Variants in KLF10 observed in about 807,000 individuals in gnomAD.
The protein encoded by KLF10 is Krueppel-like factor 10.
A neutral mutation model predicts 31.6 loss-of-function variants in KLF10; 17 were observed. That is an observed-to-expected ratio of 0.54 (90% CI 0.37 to 0.81). KLF10 has a LOEUF of 0.81. Ranked by LOEUF, KLF10 falls within the 30% of genes least tolerant of loss-of-function variation. The probability of loss-of-function intolerance (pLI) is 0.00; values close to 1 mark genes in which losing one functional copy is unlikely to be tolerated. For missense variants in KLF10, 525 were observed against 598.1 expected (o/e 0.88, Z 1.27); for synonymous variants, 239 against 215.1 (o/e 1.11, Z -0.97).
intron 3 of KLF10, 23 bp downstream of exon 3, chr8:102,651,126 A>C (rs749187483): frequency 6.7e-7 from 1 of 1,488,458 alleles, no homozygotes; most frequent in Non-Finnish European, 8.9e-7. Context: ...TTAAACACTA[A>C]AGATATAAGA....
chr8:102,653,203 T>C (rs1827259367), intron 1 of KLF10, among the ~76,000 whole-genome samples: 1 of 152,236 alleles, frequency 6.6e-6, no homozygotes, highest in African/African-American at 2.4e-5. Context: ...TGAATCTATT[T>C]GACACAATGG....
At chr8:102,650,470 G>T in intron 3 of KLF10, 79 bp from the exon 4 acceptor site, 1 of 1,353,610 alleles carries the variant, frequency 7.4e-7, no homozygotes, top group Non-Finnish European at 1.0e-6. Flanking sequence ...AAAAGTATAT[G>T]AGAAGATACA....
Position 102,652,189 on chromosome 8 carries a change from G to A in KLF10, c.245C>T (p.Pro82Leu). Residue 82 changes from proline to leucine, a missense_variant, in exon 2 of 4, where the codon CCT becomes CTT. By Grantham distance (98) the Pro-to-Leu change is moderately conservative (BLOSUM62 -3). This residue lies in a region of KLF10 where 434 missense variants were observed against 450.7 expected (regional missense o/e 0.96). Transcript: ENST00000285407. Reference protein sequence around the residue: ...SEEENLLPGTPDFHTIPAFCL... With the variant: ...SEEENLLPGTLDFHTIPAFCL... ...AAATGCTGGGATTGTATGAAAATCA[G>A]GTGTTCCCGGAAGCAGATTCTCTTC... 6.2e-7 allele frequency: 1 copy of A among 1,600,448 alleles called. No individual in the cohort carries two copies. Among genetic ancestry groups the A allele is most frequent in the Non-Finnish European group, 8.5e-7 (1 of 1,171,266 alleles).
In KLF10 at chr8:102,651,139, T is replaced by G. The variant is rs1827198287; in HGVS notation, c.1183+10A>C. On this transcript the variant is annotated intron_variant, in intron 3 of 3. Coordinates refer to ENST00000285407, the MANE Select transcript of KLF10 (RefSeq NM_005655.4). ...ATTTAAACACTAAAGATATAAGAAGTGGCTGGTACCTGTGTGCGTCCTCGT... is the reference window on the plus strand; with the variant it reads ...ATTTAAACACTAAAGATATAAGAAGGGGCTGGTACCTGTGTGCGTCCTCGT... 2 of 1,494,824 alleles carry G rather than the reference T, an allele frequency of 1.3e-6. No homozygotes were observed. The highest frequency in any genetic ancestry group is 1.8e-6 in the Non-Finnish European group (2 of 1,121,074). The allele number at this position is 1,494,824 out of a possible 1,614,324, so 92.6% of individuals were successfully genotyped here. A position where few individuals can be genotyped will look rare whatever the true frequency, so the allele number is the denominator to read the frequency against.
rs571311515 is a variant in KLF10 at position 102,649,903 on chromosome 8, C to T, written c.*229G>A. 2 of 567,458 alleles carry T rather than the reference C, an allele frequency of 3.5e-6. No individual in the cohort carries two copies. The highest frequency in any genetic ancestry group is 4.7e-5 in the South Asian group (2 of 42,604). 35.2% of individuals were successfully genotyped at this position (567,458 alleles called of 1,614,324 possible). A position where few individuals can be genotyped will look rare whatever the true frequency, so the allele number is the denominator to read the frequency against. On this transcript the variant is annotated 3_prime_UTR_variant, in exon 4 of 4. Coordinates refer to ENST00000285407, the MANE Select transcript of KLF10 (RefSeq NM_005655.4). ...CAAAAAATATTCAAAGGAATAAAAG[C>T]TTTCTCATCTCTCTTATGTGATAAG...
Position 102,651,489 on chromosome 8 carries a change from G to C in KLF10, c.843C>G (p.Ala281=). 1 of 1,613,876 alleles carries C rather than the reference G, an allele frequency of 6.2e-7. No individual in the cohort carries two copies. Among genetic ancestry groups the C allele is most frequent in the Non-Finnish European group, 8.5e-7 (1 of 1,179,856 alleles). ...CGACTGTTGTCACAACAGGGTTGTT[G>C]GCAGGAAGGGGAACCATCTGGCAGA... is the stretch of plus-strand genomic sequence containing the variant. ...PVICQMVPLP[A]NNPVVTTVVP... The change falls in exon 3 of 4, where the codon GCC becomes GCG. Residue 281 remains alanine (A), a synonymous_variant. Transcript: ENST00000285407.
intron 1 of KLF10, among the ~76,000 whole-genome samples, chr8:102,655,069 G>A (rs545424398): frequency 6.6e-6 from 1 of 152,068 alleles, no homozygotes; most frequent in East Asian, 1.9e-4. Flanking sequence ...CGCCTCTCCT[G>A]TGGACACCCC....
At chr8:102,650,519 G>A (rs529829177) in intron 3 of KLF10, 128 bp from the exon 4 acceptor site, 3 of 956,248 alleles carry the variant, frequency 3.1e-6, no homozygotes, top group East Asian at 5.3e-5. Flanking sequence ...ACTGTCAAAT[G>A]AATATGAGAT....
intron 1 of KLF10, chr8:102,653,679 C>A: frequency 7.9e-7 from 1 of 1,270,158 alleles, no homozygotes. Flanking sequence ...TGCATAATCG[C>A]GCCCGCCTTT....
chr8:102,654,327 G>C (rs184580482), intron 1 of KLF10: 4 of 148,592 alleles, frequency 2.7e-5, no homozygotes, highest in African/African-American at 9.8e-5. Context: ...GGCTCCGGGA[G>C]GCGCCCGCCC....
At position 102,651,271 on chromosome 8, in the gene KLF10, G is replaced by A. The variant is rs371253957; in HGVS notation, c.1061C>T (p.Ala354Val). Residue 354 changes from alanine to valine, a missense_variant, in exon 3 of 4, where the codon GCA becomes GTA. By Grantham distance (64) the Ala-to-Val change is moderately conservative. Transcript: ENST00000285407. The part of the protein sequence containing the change: ...IAPAPGFSPS[A>V]AKVTPQIDSS... ...ATCAATCTGAGGAGTGACTTTTGCT[G>A]CTGAAGGGGAAAACCCAGGAGCAGG... 8.7e-6 allele frequency: 14 copies of A among 1,607,544 alleles called. No homozygotes were observed. The highest frequency in any genetic ancestry group is 1.3e-5 in the African/African-American group (1 of 74,692).
At chr8:102,653,393 G>T in intron 1 of KLF10, 2 of 1,212,744 alleles carry the variant, frequency 1.6e-6, no homozygotes, top group South Asian at 1.6e-5. Flanking sequence ...CACAGGTTTT[G>T]CACTTATTTG....
At chr8:102,655,531 G>A (rs1827343952) in intron 1 of KLF10, 35 bp downstream of exon 1, 6 of 1,613,694 alleles carry the variant, frequency 3.7e-6, no homozygotes, top group Non-Finnish European at 5.1e-6. Flanking sequence ...ACAAGACCAG[G>A]CGAGGAAGCA....
chr8:102,654,288 CGCGGGGAGGGGCGGGGCT>C (rs1827303914), intron 1 of KLF10: 1 of 145,200 alleles, frequency 6.9e-6, no homozygotes, highest in Non-Finnish European at 1.5e-5. Flanking sequence ...GCGCCGGGCC[CGCGGGGAGGGGCGGGGCT>C]GCGGGCGCCA....
At chr8:102,655,533 G>A (rs1488409069) in intron 1 of KLF10, 33 bp downstream of exon 1, 8 of 1,613,906 alleles carry the variant, frequency 5.0e-6, no homozygotes, top group Admixed American at 1.7e-5. Context: ...AAGACCAGGC[G>A]AGGAAGCACA....
rs1031961822 is a variant in KLF10, at chr8:102,649,370, T to C, written c.*762A>G. On this transcript the variant is annotated 3_prime_UTR_variant, in exon 4 of 4. Transcript: ENST00000285407. ...CAGAAAACACATTGGTATACAATTT[T>C]CAAATCTACACAAGAAACTGCAGGC... 2.6e-5 allele frequency: 4 copies of C among 152,072 alleles called. No individual in the cohort carries two copies. Among genetic ancestry groups the C allele is most frequent in the Non-Finnish European group, 4.4e-5 (3 of 67,982 alleles). The allele number at this position is 152,072 out of a possible 1,614,324, so 9.4% of individuals were successfully genotyped here.
In KLF10 at chr8:102,651,497, G is replaced by A; in HGVS notation, c.835C>T (p.Leu279Phe). The change falls in exon 3 of 4, where the codon CTT becomes TTT. Residue 279 changes from leucine (L) to phenylalanine (F), a missense_variant. Transcript: ENST00000285407. ...PMPVICQMVP[L>F]PANNPVVTTV... is the part of the protein sequence containing the mutation. ...GTCACAACAGGGTTGTTGGCAGGAA[G>A]GGGAACCATCTGGCAGATGACCGGC... The A allele has an allele frequency of 1.2e-6, 2 of 1,613,882 alleles. No homozygotes were observed. The highest frequency in any genetic ancestry group is 1.7e-6 in the Non-Finnish European group (2 of 1,179,856).
At chr8:102,654,664 AG>A (rs1827316158) in intron 1 of KLF10, among the ~76,000 whole-genome samples, 1 of 148,502 alleles carries the variant, frequency 6.7e-6, no homozygotes, top group South Asian at 2.1e-4. Flanking sequence ...GGCTTCCGGC[AG>A]CTCCAGGCCC....
At chr8:102,652,581 G>A (rs1042694560) in intron 1 of KLF10, among the ~76,000 whole-genome samples, 184 bp from the exon 2 acceptor site, 1 of 151,136 alleles carries the variant, frequency 6.6e-6, no homozygotes, top group South Asian at 2.1e-4. Context: ...CACTTGTTAG[G>A]TAGGTAACCC....
Sources: allele counts gnomAD v4.1 joint callset (sites outside exome capture counted in the v4.1 genomes callset), GRCh38; gene constraint gnomAD v4.1.1; regional missense constraint gnomAD v4.1.1; transcripts MANE v1.5; gene names NCBI Gene and HGNC (gene_info 2026-07-23, HGNC 2026-07-21).